Variants in EXOC6B observed in about 807,000 individuals in gnomAD.
EXOC6B encodes the protein exocyst complex component 6B, also known as SEC15 homolog B.
EXOC6B carries 54 observed loss-of-function variants against 113.5 expected under a neutral mutation model. The ratio of observed to expected loss-of-function variants is 0.48; its 90% confidence interval spans 0.38 to 0.60. The LOEUF (loss-of-function observed/expected upper bound fraction) is 0.60. Ranked by LOEUF, EXOC6B falls within the 20% of genes least tolerant of loss-of-function variation. The pLI is 0.00. For synonymous variants in EXOC6B, 357 were observed against 339.0 expected, an observed-to-expected ratio of 1.05 and a Z score of -0.58; for missense variants, 797 against 977.5, an observed-to-expected ratio of 0.82 and a Z score of 2.46.
intron 18 of EXOC6B, among the ~76,000 whole-genome samples, chr2:72,448,431 A>T (rs1380900252): frequency 2.0e-5 from 3 of 152,186 alleles, no homozygotes; most frequent in Non-Finnish European, 4.4e-5. Context: ...TTACAATGTG[A>T]CAAACAATAT....
chr2:72,466,137 G>A lies in EXOC6B; in HGVS notation c.1801-798C>T, dbSNP rs62149327. On this transcript the variant is annotated intron_variant, in intron 17 of 21. Coordinates refer to ENST00000272427, the MANE Select transcript of EXOC6B (RefSeq NM_015189.3). ...AAGTGGGTGGATCACTTGAGGTCAGGAGTTCGAGACCAGCCTGGCCAACAT... is the reference window on the plus strand; with the variant it reads ...AAGTGGGTGGATCACTTGAGGTCAGAAGTTCGAGACCAGCCTGGCCAACAT... Among the ~76,000 whole-genome samples the A allele has an allele frequency of 6.8e-3, 1,036 of 152,162 alleles. 12 individuals carry two copies. Among genetic ancestry groups the A allele is most frequent in the Non-Finnish European group, 0.013 (871 of 68,000 alleles).
At chr2:72,446,686 T>C (rs939083047) in intron 18 of EXOC6B, among the ~76,000 whole-genome samples, 1 of 152,170 alleles carries the variant, frequency 6.6e-6, no homozygotes, top group Non-Finnish European at 1.5e-5. Flanking sequence ...GCTTAATACC[T>C]GGGTGATGAA....
intron 18 of EXOC6B, among the ~76,000 whole-genome samples, chr2:72,452,955 A>G (rs1696997952): frequency 6.6e-6 from 1 of 152,138 alleles, no homozygotes; most frequent in Non-Finnish European, 1.5e-5. Context: ...AATCACAACC[A>G]TGCTTCTCAG....
At chr2:72,371,643 T>C (rs1691025879) in intron 19 of EXOC6B, among the ~76,000 whole-genome samples, 1 of 152,148 alleles carries the variant, frequency 6.6e-6, no homozygotes, top group Non-Finnish European at 1.5e-5. Flanking sequence ...CATCCCTTCA[T>C]GGTAAAAATC....
At chr2:72,582,889 G>T (rs1457366517) in intron 6 of EXOC6B, among the ~76,000 whole-genome samples, 2 of 152,048 alleles carry the variant, frequency 1.3e-5, no homozygotes, top group African/African-American at 2.4e-5. Flanking sequence ...AACAAATAAA[G>T]AATTCAAAAT....
Position 72,575,185 on chromosome 2 carries a change from T to C in EXOC6B, c.846+307A>G, listed in dbSNP as rs76571401. On this transcript the variant is annotated intron_variant, in intron 7 of 21. Coordinates refer to ENST00000272427, the MANE Select transcript of EXOC6B (RefSeq NM_015189.3). ...CAGCCGAGGTCACCTAGACCTCCTG[T>C]CTCTAGGTAGGTAAACTCTACTCTT... Among the ~76,000 whole-genome samples the C allele has an allele frequency of 4.1e-4, 63 of 152,232 alleles. 1 individual carries two copies. In the East Asian group the frequency reaches 0.01, roughly 25 times the overall value.
At chr2:72,424,310 CTT>C (rs1342140086) in intron 18 of EXOC6B, among the ~76,000 whole-genome samples, 1 of 151,808 alleles carries the variant, frequency 6.6e-6, no homozygotes, top group Non-Finnish European at 1.5e-5. Context: ...TTTCTATCTC[CTT>C]TTAAACCAGT....
chr2:72,285,204 T>C (rs569061949), intron 20 of EXOC6B, among the ~76,000 whole-genome samples: 104 of 152,060 alleles, frequency 6.8e-4, no homozygotes, highest in Non-Finnish European at 4.4e-4. Flanking sequence ...TTGTTCACTC[T>C]CAGACTTCAA....
chr2:72,591,123 T>A (rs1214542248), intron 6 of EXOC6B, among the ~76,000 whole-genome samples: 6 of 152,140 alleles, frequency 3.9e-5, no homozygotes, highest in African/African-American at 9.6e-5. Context: ...GTCACAAAAA[T>A]TGAGGAGTAG....
intron 18 of EXOC6B, among the ~76,000 whole-genome samples, chr2:72,403,917 C>G (rs1418592612): frequency 6.6e-6 from 1 of 152,130 alleles, no homozygotes; most frequent in Non-Finnish European, 1.5e-5. Flanking sequence ...AAGGCATCGC[C>G]TCACCCAGGA....
chr2:72,252,928 T>G (rs990089653), intron 20 of EXOC6B, among the ~76,000 whole-genome samples: 3 of 151,548 alleles, frequency 2.0e-5, no homozygotes, highest in Admixed American at 6.6e-5. Flanking sequence ...AGCAATATGC[T>G]TCACTTACAT....
rs1447491186 is a variant in EXOC6B at position 72,582,506 on chromosome 2, G to A, written c.670-6838C>T. Among the ~76,000 whole-genome samples, 8 of 151,582 alleles carry A rather than the reference G, an allele frequency of 5.3e-5. No homozygotes were observed. In the East Asian group the frequency reaches 1.6e-3, roughly 30 times the overall value. ...CACTCTAGCCTGGGTGATAAAGTGA[G>A]TCCTTGTCTCCAAAATAGAAAAGAA... On this transcript the variant is annotated intron_variant, in intron 6 of 21. Transcript: ENST00000272427.
chr2:72,437,625 TG>T (rs894519281), intron 18 of EXOC6B, among the ~76,000 whole-genome samples: 76 of 152,206 alleles, frequency 5.0e-4, no homozygotes, highest in African/African-American at 1.8e-3. Flanking sequence ...AGAGGTAGTC[TG>T]GCTACAGTGG....
intron 6 of EXOC6B, among the ~76,000 whole-genome samples, chr2:72,629,488 T>C (rs1432944449): frequency 6.6e-6 from 1 of 152,234 alleles, no homozygotes; most frequent in African/African-American, 2.4e-5. Context: ...GAATCTTGTT[T>C]CTGTTATTTA....
chr2:72,824,472 AG>A (rs1159889470), intron 1 of EXOC6B, among the ~76,000 whole-genome samples: 1 of 152,206 alleles, frequency 6.6e-6, no homozygotes, highest in East Asian at 1.9e-4. Flanking sequence ...CAAACTACTA[AG>A]GATAGTTATG....
chr2:72,750,404 A>G (rs1202702799), intron 1 of EXOC6B, among the ~76,000 whole-genome samples: 9 of 151,990 alleles, frequency 5.9e-5, no homozygotes, highest in African/African-American at 2.4e-5. Context: ...ACCACCTCTA[A>G]CCTAATCTCT....
At chr2:72,660,780 C>A (rs1216545945) in intron 6 of EXOC6B, among the ~76,000 whole-genome samples, 1 of 151,002 alleles carries the variant, frequency 6.6e-6, no homozygotes, top group Non-Finnish European at 1.5e-5. Context: ...AGGAAGAAGA[C>A]CAGAAGTTGA....
chr2:72,463,142 C>T (rs1043641643), intron 18 of EXOC6B: 8 of 151,990 alleles, frequency 5.3e-5, no homozygotes, highest in African/African-American at 1.9e-4. Context: ...ATCCTACACA[C>T]TAGTACAAAA....
At chr2:72,714,366 T>A (rs1573673529) in intron 6 of EXOC6B, among the ~76,000 whole-genome samples, 1 of 152,278 alleles carries the variant, frequency 6.6e-6, no homozygotes, top group South Asian at 2.1e-4. Context: ...TTGGAACCTA[T>A]AATAAGTGAA....
Sources: gnomAD v4.1 joint callset for allele counts (sites outside exome capture counted in the v4.1 genomes callset) on GRCh38, gnomAD v4.1.1 for gene constraint, MANE v1.5 for transcripts, NCBI Gene and HGNC (gene_info 2026-07-23, HGNC 2026-07-21) for gene names.